NFATC1: variants seen among roughly 807,000 people sequenced by gnomAD.
NFATC1 encodes the protein nuclear factor of activated T cells 1.
NFATC1 carries 22 observed loss-of-function variants against 76.0 expected under a neutral mutation model. The ratio of observed to expected loss-of-function variants is 0.29; its 90% confidence interval spans 0.21 to 0.41. The LOEUF (loss-of-function observed/expected upper bound fraction) is 0.41. Among genes scored for constraint, NFATC1 ranks in the 10% least tolerant of loss-of-function variants. The probability of loss-of-function intolerance (pLI) is 1.00; values close to 1 mark genes in which losing one functional copy is unlikely to be tolerated. For missense variants in NFATC1, 1,357 were observed against 1,337.7 expected (o/e 1.01, Z -0.23); for synonymous variants, 704 against 613.1 (o/e 1.15, Z -2.19).
chr18:79,429,724 T>C (rs528696294), intron 2 of NFATC1, among the ~76,000 whole-genome samples: 1 of 152,244 alleles, frequency 6.6e-6, no homozygotes, highest in Non-Finnish European at 1.5e-5. Context: ...TGAAAATTTC[T>C]AACCAAAACC....
At chr18:79,459,992 C>A (rs368155863) in intron 6 of NFATC1, among the ~76,000 whole-genome samples, 1 of 152,186 alleles carries the variant, frequency 6.6e-6, no homozygotes, top group African/African-American at 2.4e-5. Context: ...TGGCTTCAAG[C>A]GCAACTGAGT....
chr18:79,429,136 G>A (rs1181989028), intron 2 of NFATC1, among the ~76,000 whole-genome samples: 2 of 150,352 alleles, frequency 1.3e-5, no homozygotes, highest in Non-Finnish European at 2.9e-5. Flanking sequence ...CAGGAGCATT[G>A]CTTGAACCTG....
chr18:79,418,721 C>A (rs962539801), intron 2 of NFATC1, among the ~76,000 whole-genome samples: 1 of 152,194 alleles, frequency 6.6e-6, no homozygotes, highest in Admixed American at 6.5e-5. Context: ...TGAGCCGCTT[C>A]GGTAGCATTT....
intron 2 of NFATC1, among the ~76,000 whole-genome samples, chr18:79,425,024 CAT>C (rs2086256598): frequency 1.7e-5 from 2 of 116,148 alleles, no homozygotes; most frequent in East Asian, 5.8e-4. Flanking sequence ...TCTCTGTCTC[CAT>C]CTCTCTCCAT....
chr18:79,515,453 T>G (rs1415083549), intron 9 of NFATC1, among the ~76,000 whole-genome samples: 7 of 147,710 alleles, frequency 4.7e-5, no homozygotes, highest in African/African-American at 1.7e-4. Context: ...GTGGTGGTGG[T>G]GGGCGGGTGG....
At chr18:79,518,787 T>C (rs915763268) in intron 9 of NFATC1, among the ~76,000 whole-genome samples, 3 of 151,926 alleles carry the variant, frequency 2.0e-5, no homozygotes, top group African/African-American at 7.3e-5. Flanking sequence ...TCTGGAGGGG[T>C]GTTAGGACCC....
chr18:79,400,317 G>C (rs1190416873), intron 1 of NFATC1: 3 of 1,287,420 alleles, frequency 2.3e-6, no homozygotes, highest in East Asian at 3.5e-5. Context: ...CGGAGGACGC[G>C]CGGGCAGCGC....
At chr18:79,467,195 G>A (rs557083338) in intron 7 of NFATC1, among the ~76,000 whole-genome samples, 10 of 152,366 alleles carry the variant, frequency 6.6e-5, no homozygotes, top group Non-Finnish European at 7.3e-5. Context: ...GTGTCCACAC[G>A]CGTGTGCAGG....
chr18:79,489,698 G>A (rs115023426), intron 9 of NFATC1, among the ~76,000 whole-genome samples: 1,961 of 152,290 alleles, frequency 0.013, 46 homozygotes, highest in African/African-American at 0.044. Context: ...CCACACCCCA[G>A]CCCACCAACC....
At chr18:79,485,391 A>G (rs2145056697) in intron 8 of NFATC1, among the ~76,000 whole-genome samples, 1 of 152,392 alleles carries the variant, frequency 6.6e-6, no homozygotes, top group Admixed American at 6.5e-5. Context: ...GACCAACAGG[A>G]AAACAGCAAC....
At chr18:79,508,377 G>T (rs985975083) in intron 9 of NFATC1, among the ~76,000 whole-genome samples, 1 of 152,212 alleles carries the variant, frequency 6.6e-6, no homozygotes, top group Admixed American at 6.5e-5. Context: ...GGGCAGCGGC[G>T]TGCGTGTGAG....
intron 7 of NFATC1, among the ~76,000 whole-genome samples, chr18:79,464,648 T>TTC (rs1555911903): frequency 0.053 from 6,923 of 130,880 alleles, 646 homozygotes; most frequent in African/African-American, 0.13. Context: ...ATATATGTGT[T>TTC]TGTGTGTGTG....
In NFATC1 at chr18:79,524,150, G is replaced by A. The variant is rs1483189990; in HGVS notation, c.2783-3378G>A. 3 of 151,900 alleles carry A rather than the reference G, an allele frequency of 2.0e-5. No homozygotes were observed. Among genetic ancestry groups the A allele is most frequent in the Admixed American group, 6.6e-5 (1 of 15,256 alleles). The allele number at this position is 151,900 out of a possible 1,614,324, so 9.4% of individuals were successfully genotyped here. On this transcript the variant is annotated intron_variant, in intron 9 of 9. Transcript: ENST00000427363. The surrounding 1 kb of genome is among the most constrained non-coding windows in gnomAD (Gnocchi z 7.2). Reference sequence around the variant, plus strand: ...CTGACCTCATGGGTCAGAAGTGCTCGTGGCGGGAAGGAGTTGGGGGGTGGG... The same window carrying A: ...CTGACCTCATGGGTCAGAAGTGCTCATGGCGGGAAGGAGTTGGGGGGTGGG...
At chr18:79,400,467 G>A in intron 1 of NFATC1, 3 of 1,487,182 alleles carry the variant, frequency 2.0e-6, no homozygotes, top group South Asian at 1.3e-5. Context: ...GGGCGCCGCC[G>A]CGGCCGCCCC....
chr18:79,465,185 C>T lies in NFATC1; in HGVS notation c.1960-2265C>T, dbSNP rs895791909. ...GTTTCCCTCTCCCTTCCTGTTCTTC[C>T]GTGTTTCTTCTTTATCGCTTCCTTC... On this transcript the variant is annotated intron_variant, in intron 7 of 9. Transcript: ENST00000427363. The surrounding 1 kb of genome is among the most constrained non-coding windows in gnomAD (Gnocchi z 4.2). 4.6e-5 allele frequency among the ~76,000 whole-genome samples: 7 copies of T among 152,128 alleles called. No individual in the cohort carries two copies. Among genetic ancestry groups the T allele is most frequent in the African/African-American group, 9.7e-5 (4 of 41,412 alleles).
chr18:79,402,327 C>T, intron 1 of NFATC1: 1 of 985,430 alleles, frequency 1.0e-6, no homozygotes, highest in Non-Finnish European at 1.2e-6. Flanking sequence ...TATGGGGACC[C>T]TGGTGAACAT....
chr18:79,460,532 A>C (rs1027074350), intron 6 of NFATC1, among the ~76,000 whole-genome samples: 1 of 152,208 alleles, frequency 6.6e-6, no homozygotes, highest in Non-Finnish European at 1.5e-5. Flanking sequence ...AGAGAGCACA[A>C]CGCGTCCTTT....
intron 9 of NFATC1, chr18:79,515,980 GGAAACACGCGCCC>G (rs2090372184): frequency 6.6e-6 from 1 of 151,102 alleles, no homozygotes; most frequent in South Asian, 2.1e-4. Flanking sequence ...CTAGATCCGT[GGAAACACGCGCCC>G]GCATGCCGTC....
At chr18:79,444,562 G>A (rs376285885) in intron 3 of NFATC1, among the ~76,000 whole-genome samples, 2 of 152,200 alleles carry the variant, frequency 1.3e-5, no homozygotes, top group Non-Finnish European at 2.9e-5. Context: ...CAGGGCGTCC[G>A]GCAGATGAAG....
Sources: gnomAD v4.1 joint callset for allele counts (sites outside exome capture counted in the v4.1 genomes callset) on GRCh38, gnomAD v4.1.1 for gene constraint, Gnocchi (gnomAD v3.1) non-coding constraint, MANE v1.5 for transcripts, NCBI Gene and HGNC (gene_info 2026-07-23, HGNC 2026-07-21) for gene names.